The following C1QBP variants were observed in gnomAD, a reference collection of about 807,000 sequenced individuals.
C1QBP encodes the protein complement C1q binding protein.
C1QBP carries 24 observed loss-of-function variants against 29.4 expected under a neutral mutation model. That is an observed-to-expected ratio of 0.82 (90% CI 0.59 to 1.15). The LOEUF is 1.15. Among genes scored for constraint, C1QBP ranks in the 50% most tolerant of loss-of-function variants. The probability of loss-of-function intolerance (pLI) is 0.00; values close to 1 mark genes in which losing one functional copy is unlikely to be tolerated. For missense variants in C1QBP, 337 were observed against 355.8 expected, an observed-to-expected ratio of 0.95 and a Z score of 0.43; for synonymous variants, 182 against 149.2, an observed-to-expected ratio of 1.22 and a Z score of -1.60.
At chr17:5,434,785 TGAAAGA>T in intron 3 of C1QBP, 82 bp downstream of exon 3, 2 of 1,239,500 alleles carry the variant, frequency 1.6e-6, no homozygotes, top group South Asian at 1.3e-5. Context: ...TTTTTTTTTT[TGAAAGA>T]CCAAAGAAAA....
chr17:5,438,053 G>C, intron 2 of C1QBP, 70 bp downstream of exon 2: 1 of 1,538,766 alleles, frequency 6.5e-7, no homozygotes, highest in Admixed American at 2.0e-5. Context: ...GGCTCTTCTG[G>C]GGATGACCCA....
intron 3 of C1QBP, among the ~76,000 whole-genome samples, chr17:5,434,279 G>A (rs951927825): frequency 2.0e-5 from 3 of 152,184 alleles, no homozygotes; most frequent in African/African-American, 7.2e-5. Context: ...CAGCACACCA[G>A]AGAGCTGCGC....
At chr17:5,436,045 A>G (rs1353920054) in intron 2 of C1QBP, among the ~76,000 whole-genome samples, 5 of 80,182 alleles carry the variant, frequency 6.2e-5, no homozygotes, top group Admixed American at 1.5e-4. Flanking sequence ...ACTCTGTCAG[A>G]AAAAAAAAAA....
In C1QBP at chr17:5,433,132, G is replaced by A. The variant is rs771785492; in HGVS notation, c.732C>T (p.Ala244=). 1.1e-5 allele frequency: 18 copies of A among 1,613,836 alleles called. No homozygotes were observed. The highest frequency in any genetic ancestry group is 4.5e-5 in the East Asian group (2 of 44,892). ...ALYDHLMDFL[A]DRGVDNTFAD... The stretch of plus-strand genomic sequence containing the variant: ...CAAAAGTGTTGTCCACCCCTCGGTC[G>A]GCAAGGAAATCCATTAGGTGGTCAT... The change falls in exon 6 of 6, where the codon GCC becomes GCT. Residue 244 remains alanine (A), a synonymous_variant. Coordinates refer to ENST00000225698, the MANE Select transcript of C1QBP (RefSeq NM_001212.4).
chr17:5,438,271 C>T lies in C1QBP; in HGVS notation c.235G>A (p.Asp79Asn). ...CGCGSLHTDG[D>N]KAFVDFLSDE... ...CTCAGGAAATCAACAAAAGCTTTGT[C>T]TCCTAGAAAAGAAATCCAGATACAT... Residue 79 changes from aspartate to asparagine, a missense_variant and splice_region_variant, in exon 2 of 6, where the codon GAC becomes AAC. Transcript: ENST00000225698. 6.2e-7 allele frequency: 1 copy of T among 1,612,834 alleles called. No homozygotes were observed. Among genetic ancestry groups the T allele is most frequent in the South Asian group, 1.1e-5 (1 of 90,900 alleles).
chr17:5,434,454 TTC>T lies in C1QBP; in HGVS notation c.477+417_477+418del, dbSNP rs199877383. On this transcript the variant is annotated intron_variant, in intron 3 of 5. Coordinates refer to ENST00000225698, the MANE Select transcript of C1QBP (RefSeq NM_001212.4). ...GTTAAAGTCTCTTATGCCCCTGCCA[TTC>T]TCTCTCTCTTTTTTTTTTTTTTTTT... Among the ~76,000 whole-genome samples, 566 of 142,322 alleles carry T rather than the reference TTC, an allele frequency of 4.0e-3. 10 individuals are homozygous for T. Among genetic ancestry groups the T allele is most frequent in the African/African-American group, 9.1e-3 (340 of 37,524 alleles). The allele number at this position is 142,322 out of a possible 152,430, so 93.4% of individuals were successfully genotyped here. A position where few individuals can be genotyped will look rare whatever the true frequency, so the allele number is the denominator to read the frequency against.
chr17:5,433,621 A>C (rs760481528), intron 4 of C1QBP, 48 bp downstream of exon 4: 1 of 1,580,686 alleles, frequency 6.3e-7, no homozygotes, highest in Non-Finnish European at 8.7e-7. Context: ...CCCAAGGGAC[A>C]CACTGTTCCC....
chr17:5,434,006 G>A (rs1004665721), intron 3 of C1QBP: 3 of 556,278 alleles, frequency 5.4e-6, no homozygotes, highest in African/African-American at 3.8e-5. Flanking sequence ...CCTCAGCTAT[G>A]TGCCAATTAA....
At position 5,433,170 on chromosome 17, in the gene C1QBP, A is replaced by G. The variant is rs192359814; in HGVS notation, c.700-6T>C. The G allele has an allele frequency of 4.3e-6, 7 of 1,611,862 alleles. No homozygotes were observed. In the East Asian group the frequency reaches 1.3e-4, roughly 31 times the overall value. ...ATTAGGTGGTCATATAAGGCCTGCA[A>G]AGAACAATATTTACTAGTTAAAAAA... On this transcript the variant is annotated splice_polypyrimidine_tract_variant and splice_region_variant and intron_variant, in intron 5 of 5. Transcript: ENST00000225698.
intron 2 of C1QBP, 91 bp downstream of exon 2, chr17:5,438,032 C>A (rs1916321087): frequency 1.3e-6 from 2 of 1,488,944 alleles, no homozygotes; most frequent in Admixed American, 4.3e-5. Flanking sequence ...AGTATCCACA[C>A]CTGAACTCAA....
intron 2 of C1QBP, 29 bp from the exon 3 acceptor site, chr17:5,434,995 C>G (rs56277626): frequency 1.8e-5 from 16 of 906,122 alleles, no homozygotes; most frequent in South Asian, 3.6e-5. Flanking sequence ...ACAGACAAGG[C>G]AAAACAGACA....
chr17:5,434,468 T>C (rs1275784815), intron 3 of C1QBP, among the ~76,000 whole-genome samples: 17 of 137,912 alleles, frequency 1.2e-4, no homozygotes, highest in Non-Finnish European at 1.9e-4. Context: ...CTCTCTCTTT[T>C]TTTTTTTTTT....
At chr17:5,435,219 T>C (rs1427232799) in intron 2 of C1QBP, among the ~76,000 whole-genome samples, 1 of 152,206 alleles carries the variant, frequency 6.6e-6, no homozygotes, top group Non-Finnish European at 1.5e-5. Context: ...GGCCTCAGTT[T>C]ATCTCAGCCA....
intron 2 of C1QBP, among the ~76,000 whole-genome samples, chr17:5,436,980 C>G (rs967523491): frequency 6.6e-6 from 1 of 152,176 alleles, no homozygotes; most frequent in Non-Finnish European, 1.5e-5. Context: ...GCACTCCATC[C>G]TGGGTGACAG....
chr17:5,436,541 A>G (rs1321243095), intron 2 of C1QBP, among the ~76,000 whole-genome samples: 1 of 151,714 alleles, frequency 6.6e-6, no homozygotes, highest in Non-Finnish European at 1.5e-5. Context: ...AAAATAAATA[A>G]AAAAGCACAA....
intron 2 of C1QBP, 69 bp downstream of exon 2, chr17:5,438,054 G>C (rs1405420220): frequency 3.9e-6 from 6 of 1,540,550 alleles, no homozygotes; most frequent in Non-Finnish European, 5.2e-6. Context: ...GCTCTTCTGG[G>C]GATGACCCAG....
chr17:5,437,248 A>T (rs1916297696), intron 2 of C1QBP, among the ~76,000 whole-genome samples: 1 of 152,192 alleles, frequency 6.6e-6, no homozygotes, highest in East Asian at 1.9e-4. Context: ...TAAATGGGTA[A>T]ATCGTATGCC....
At position 5,433,334 on chromosome 17, in the gene C1QBP, T is replaced by C. The variant is rs1567591132; in HGVS notation, c.658A>G (p.Lys220Glu). ...SFQSTGESEW[K>E]DTNYTLNTDS... ...GTGTTGAGTGTATAATTAGTATCCT[T>C]CCATTCAGACTCGCCAGTGGACTGA... Residue 220 changes from lysine (K) to glutamate (E), a missense_variant, in exon 5 of 6, where the codon AAG becomes GAG. Lys to Glu is a moderately conservative substitution (Grantham distance 56). Coordinates refer to ENST00000225698, the MANE Select transcript of C1QBP (RefSeq NM_001212.4). 6.2e-7 allele frequency: 1 copy of C among 1,614,164 alleles called. No homozygotes were observed. The highest frequency in any genetic ancestry group is 1.3e-5 in the African/African-American group (1 of 75,034).
rs769012917 is a variant in C1QBP at position 5,433,675 on chromosome 17, C to T, written c.570G>A (p.Glu190=). 1 of 1,614,144 alleles carries T rather than the reference C, an allele frequency of 6.2e-7. No homozygotes were observed. The highest frequency in any genetic ancestry group is 1.1e-5 in the South Asian group (1 of 91,074). The change falls in exon 4 of 6, where the codon GAG becomes GAA. Residue 190 remains glutamate, a synonymous_variant. Coordinates refer to ENST00000225698, the MANE Select transcript of C1QBP (RefSeq NM_001212.4). ...KALVLDCHYP[E]DEVGQEDEAE... is the part of the protein sequence containing the mutation. ...AGCACTCCATCCTGCATACCTCATC[C>T]TCTGGATAATGACAGTCCAACACAA...
Sources: allele counts gnomAD v4.1 joint callset (sites outside exome capture counted in the v4.1 genomes callset), GRCh38; gene constraint gnomAD v4.1.1; transcripts MANE v1.5; gene names NCBI Gene and HGNC (gene_info 2026-07-23, HGNC 2026-07-21).